SGIP1: variants seen among roughly 807,000 people sequenced by gnomAD.
SGIP1 encodes the protein SH3GL interacting endocytic adaptor 1, also known as SH3-containing GRB2-like protein 3-interacting protein 1.
In SGIP1, 38 loss-of-function variants were observed where a neutral mutation model predicts 107.5. The observed-to-expected ratio is 0.35, with a 90% CI of 0.27 to 0.46. The LOEUF (loss-of-function observed/expected upper bound fraction) is 0.46. SGIP1 is among the 20% of genes least tolerant of loss of function. The pLI, the probability that SGIP1 is intolerant of heterozygous loss-of-function variation, is 1.00. For synonymous variants in SGIP1, 365 were observed against 366.1 expected (o/e 1.00, Z 0.03); for missense variants, 929 against 1,019.5 (o/e 0.91, Z 1.21).
At chr1:66,670,134 G>A (rs926354160) in intron 9 of SGIP1, among the ~76,000 whole-genome samples, 1 of 152,134 alleles carries the variant, frequency 6.6e-6, no homozygotes, top group Non-Finnish European at 1.5e-5. Flanking sequence ...GGCATCCCAA[G>A]CCATGCTGTA....
intron 1 of SGIP1, among the ~76,000 whole-genome samples, chr1:66,564,702 C>T (rs563303980): frequency 1.8e-4 from 28 of 151,960 alleles, no homozygotes; most frequent in Admixed American, 1.7e-3. Flanking sequence ...AGGTGTTCAC[C>T]AGTCCACACA....
chr1:66,732,826 C>T (rs964772140), intron 20 of SGIP1, among the ~76,000 whole-genome samples: 2 of 151,946 alleles, frequency 1.3e-5, no homozygotes, highest in Non-Finnish European at 1.5e-5. Flanking sequence ...GTTTATAATG[C>T]CTAGCATATA....
intron 1 of SGIP1, among the ~76,000 whole-genome samples, chr1:66,584,436 T>C (rs1217476107): frequency 1.3e-5 from 2 of 152,180 alleles, no homozygotes; most frequent in African/African-American, 2.4e-5. Context: ...ATATCTCTTC[T>C]GTAGCCCCTG....
chr1:66,627,381 G>C (rs961041675), intron 2 of SGIP1, among the ~76,000 whole-genome samples: 4 of 152,110 alleles, frequency 2.6e-5, no homozygotes, highest in Admixed American at 2.6e-4. Context: ...AAGACAAATG[G>C]GGCAGTTTGT....
intron 13 of SGIP1, 39 bp downstream of exon 13, chr1:66,677,135 C>T: frequency 6.5e-7 from 1 of 1,529,512 alleles, no homozygotes; most frequent in South Asian, 1.1e-5. Flanking sequence ...AAATAAGTGA[C>T]TCATTTTAGT....
chr1:66,623,430 T>C (rs1200582195), intron 1 of SGIP1, among the ~76,000 whole-genome samples: 1 of 152,108 alleles, frequency 6.6e-6, no homozygotes, highest in East Asian at 1.9e-4. Context: ...TTTGTATTTT[T>C]AGTAGAGACG....
intron 1 of SGIP1, among the ~76,000 whole-genome samples, chr1:66,620,975 A>C (rs894955201): frequency 3.3e-5 from 5 of 152,182 alleles, no homozygotes; most frequent in Admixed American, 1.3e-4. Flanking sequence ...TGTTCTTTTC[A>C]TGCAACATGG....
At chr1:66,681,766 G>T in intron 14 of SGIP1, 103 bp from the exon 15 acceptor site, 1 of 1,208,850 alleles carries the variant, frequency 8.3e-7, no homozygotes, top group Non-Finnish European at 1.2e-6. Flanking sequence ...GCCCACTGAG[G>T]CACCTCAGAC....
At chr1:66,546,530 A>G (rs865996301) in intron 1 of SGIP1, among the ~76,000 whole-genome samples, 1 of 152,320 alleles carries the variant, frequency 6.6e-6, no homozygotes. Context: ...CAGCATCATA[A>G]TTTATTTTAC....
At chr1:66,674,929 T>G (rs2149887433) in intron 12 of SGIP1, among the ~76,000 whole-genome samples, 1 of 152,364 alleles carries the variant, frequency 6.6e-6, no homozygotes, top group East Asian at 1.9e-4. Flanking sequence ...CAGCCACACC[T>G]GAATATTTTC....
intron 1 of SGIP1, among the ~76,000 whole-genome samples, chr1:66,581,234 A>G (rs890770786): frequency 1.3e-5 from 2 of 152,112 alleles, no homozygotes; most frequent in Admixed American, 6.6e-5. Context: ...CAGTGGTTTA[A>G]GAGTCCAAAC....
At chr1:66,645,224 C>T (rs1037597851) in intron 7 of SGIP1, among the ~76,000 whole-genome samples, 2 of 152,146 alleles carry the variant, frequency 1.3e-5, no homozygotes, top group African/African-American at 4.8e-5. Context: ...TATGTGAAAG[C>T]AAATGTACCG....
At chr1:66,609,599 C>T (rs72918438) in intron 1 of SGIP1, among the ~76,000 whole-genome samples, 7,671 of 152,118 alleles carry the variant, frequency 0.05, 593 homozygotes, top group African/African-American at 0.17. Context: ...TTGAATTCTG[C>T]GAAATCACAG....
intron 15 of SGIP1, among the ~76,000 whole-genome samples, chr1:66,685,076 T>C (rs1349728524): frequency 6.6e-6 from 1 of 152,234 alleles, no homozygotes; most frequent in Non-Finnish European, 1.5e-5. Context: ...GGAAGAAATA[T>C]AAATTTAAGA....
Position 66,745,011 on chromosome 1 carries a change from A to G in SGIP1, c.*1916A>G, listed in dbSNP as rs1486513228. 7.9e-5 allele frequency: 12 copies of G among 152,482 alleles called. No homozygotes were observed. The highest frequency in any genetic ancestry group is 1.2e-4 in the Non-Finnish European group (8 of 67,916). 9.4% of individuals were successfully genotyped at this position (152,482 alleles called of 1,614,324 possible). ...AATTATCCAGCATATGAATATAACA[A>G]TGTGTTTTTAAGTAATCAATTCATT... On this transcript the variant is annotated 3_prime_UTR_variant, in exon 25 of 25. Coordinates refer to ENST00000371037, the MANE Select transcript of SGIP1 (RefSeq NM_032291.4).
At chr1:66,575,941 G>A (rs969503619) in intron 1 of SGIP1, among the ~76,000 whole-genome samples, 3 of 152,166 alleles carry the variant, frequency 2.0e-5, no homozygotes, top group Non-Finnish European at 2.9e-5. Flanking sequence ...TCGTCAGTAC[G>A]CTAGGAGCCA....
intron 1 of SGIP1, among the ~76,000 whole-genome samples, chr1:66,571,912 T>A (rs757526068): frequency 2.0e-5 from 3 of 152,064 alleles, no homozygotes; most frequent in African/African-American, 4.8e-5. Flanking sequence ...CCTAAAGTCA[T>A]AGCACAAAAT....
intron 1 of SGIP1, among the ~76,000 whole-genome samples, chr1:66,579,463 G>GA (rs1365445329): frequency 2.6e-5 from 4 of 152,314 alleles, no homozygotes; most frequent in African/African-American, 9.6e-5. Flanking sequence ...GCAGAGGGCA[G>GA]ACTTGAAATG....
intron 14 of SGIP1, among the ~76,000 whole-genome samples, chr1:66,681,411 G>A (rs1048268701): frequency 6.6e-6 from 1 of 152,048 alleles, no homozygotes. Flanking sequence ...AAAATGTGAG[G>A]CCAACTTTGA....
Sources: gnomAD v4.1 joint callset for allele counts (sites outside exome capture counted in the v4.1 genomes callset) on GRCh38, gnomAD v4.1.1 for gene constraint, MANE v1.5 for transcripts, NCBI Gene and HGNC (gene_info 2026-07-23, HGNC 2026-07-21) for gene names.